CNTNAP2: variants seen among roughly 807,000 people sequenced by gnomAD.
CNTNAP2 encodes the protein contactin-associated protein-like 2.
A neutral mutation model predicts 155.2 loss-of-function variants in CNTNAP2; 98 were observed. The observed-to-expected ratio is 0.63, with a 90% confidence interval of 0.54 to 0.75. The LOEUF (loss-of-function observed/expected upper bound fraction) is 0.75. Ranked by LOEUF, CNTNAP2 falls within the 30% of genes least tolerant of loss-of-function variation. The pLI is 0.00. For synonymous variants in CNTNAP2, 651 were observed against 631.2 expected, an observed-to-expected ratio of 1.03 and a Z score of -0.47; for missense variants, 1,727 against 1,688.1, an observed-to-expected ratio of 1.02 and a Z score of -0.40.
At chr7:147,103,253 A>G (rs1343694459) in intron 4 of CNTNAP2, among the ~76,000 whole-genome samples, 43 of 151,954 alleles carry the variant, frequency 2.8e-4, no homozygotes, top group Non-Finnish European at 1.0e-4. Context: ...ACAAACATCA[A>G]TGTATCAGGT....
chr7:146,387,208 GGC>G (rs1489590739), intron 1 of CNTNAP2, among the ~76,000 whole-genome samples: 2 of 152,092 alleles, frequency 1.3e-5, no homozygotes, highest in Non-Finnish European at 2.9e-5. Context: ...TGAGGTCTGG[GGC>G]TTTTGGGCTT....
chr7:146,173,738 T>C (rs1292987546), intron 1 of CNTNAP2, among the ~76,000 whole-genome samples: 1 of 152,222 alleles, frequency 6.6e-6, no homozygotes, highest in Non-Finnish European at 1.5e-5. Flanking sequence ...GTATGTCATA[T>C]AGAGATCCTG....
intron 12 of CNTNAP2, among the ~76,000 whole-genome samples, chr7:147,582,933 G>T (rs1000305807): frequency 6.6e-6 from 1 of 152,048 alleles, no homozygotes; most frequent in Non-Finnish European, 1.5e-5. Flanking sequence ...TTGTGATATC[G>T]TTTTTGTTAC....
chr7:148,026,726 G>T (rs930256221), intron 15 of CNTNAP2, among the ~76,000 whole-genome samples: 2 of 152,108 alleles, frequency 1.3e-5, no homozygotes, highest in African/African-American at 2.4e-5. Flanking sequence ...CAAGACTCAA[G>T]TTTAAAACTT....
At chr7:146,470,070 A>C in intron 1 of CNTNAP2, among the ~76,000 whole-genome samples, 1 of 146,936 alleles carries the variant, frequency 6.8e-6, no homozygotes, top group African/African-American at 2.5e-5. Flanking sequence ...CGATCTCCTG[A>C]CCTCGTGATC....
intron 13 of CNTNAP2, among the ~76,000 whole-genome samples, chr7:147,879,830 C>T (rs549610777): frequency 6.6e-5 from 10 of 152,226 alleles, no homozygotes; most frequent in African/African-American, 2.4e-4. Context: ...TAGGAGATGC[C>T]AACTGATGGG....
chr7:146,380,779 A>G (rs1388627718), intron 1 of CNTNAP2, among the ~76,000 whole-genome samples: 3 of 121,316 alleles, frequency 2.5e-5, no homozygotes, highest in Non-Finnish European at 5.1e-5. Flanking sequence ...CTTCTTATGC[A>G]CGTTCTTTTT....
chr7:146,648,286 G>A (rs1307710595), intron 1 of CNTNAP2, among the ~76,000 whole-genome samples: 1 of 152,018 alleles, frequency 6.6e-6, no homozygotes, highest in Non-Finnish European at 1.5e-5. Context: ...AAGCATATAG[G>A]GGGTGAGAAA....
At chr7:147,327,424 A>T (rs995751652) in intron 9 of CNTNAP2, among the ~76,000 whole-genome samples, 15 of 152,194 alleles carry the variant, frequency 9.9e-5, no homozygotes, top group Non-Finnish European at 1.5e-4. Context: ...CCTGCATTTC[A>T]TTGGCATTTT....
chr7:147,324,916 T>C (rs1449892857), intron 9 of CNTNAP2, among the ~76,000 whole-genome samples: 1 of 152,158 alleles, frequency 6.6e-6, no homozygotes, highest in Non-Finnish European at 1.5e-5. Context: ...AATGCATTGT[T>C]AAAATTCACT....
chr7:147,774,221 C>A (rs1282802717), intron 13 of CNTNAP2, among the ~76,000 whole-genome samples: 2 of 152,064 alleles, frequency 1.3e-5, no homozygotes, highest in East Asian at 1.9e-4. Context: ...AGAGTAAGCT[C>A]CATGTGGAAA....
intron 13 of CNTNAP2, among the ~76,000 whole-genome samples, chr7:147,892,147 A>T (rs185966715): frequency 6.6e-6 from 1 of 152,338 alleles, no homozygotes; most frequent in East Asian, 1.9e-4. Context: ...AAACATAAAG[A>T]TGAACTATTC....
chr7:147,110,085 C>T (rs983657723), intron 5 of CNTNAP2, among the ~76,000 whole-genome samples: 17 of 151,988 alleles, frequency 1.1e-4, no homozygotes, highest in African/African-American at 3.1e-4. Flanking sequence ...CCACCATGCC[C>T]GGTTAATTTT....
chr7:146,216,431 G>A (rs1328484882), intron 1 of CNTNAP2, among the ~76,000 whole-genome samples: 1 of 152,192 alleles, frequency 6.6e-6, no homozygotes, highest in Non-Finnish European at 1.5e-5. Flanking sequence ...TGGAACCCTT[G>A]TTGGTGCTGC....
chr7:146,366,261 T>C (rs1334640523), intron 1 of CNTNAP2, among the ~76,000 whole-genome samples: 5 of 151,770 alleles, frequency 3.3e-5, no homozygotes. Flanking sequence ...TAAAATAATT[T>C]TTTTTATCCG....
chr7:147,061,241 C>G (rs972762803), intron 4 of CNTNAP2, among the ~76,000 whole-genome samples: 1 of 151,992 alleles, frequency 6.6e-6, no homozygotes, highest in Non-Finnish European at 1.5e-5. Context: ...TGAACACTTA[C>G]AAATTTGTTA....
At chr7:146,216,043 T>C (rs1281737593) in intron 1 of CNTNAP2, among the ~76,000 whole-genome samples, 2 of 152,174 alleles carry the variant, frequency 1.3e-5, no homozygotes, top group African/African-American at 4.8e-5. Context: ...GCCTCTAAGC[T>C]AGCTGCCACG....
intron 8 of CNTNAP2, among the ~76,000 whole-genome samples, chr7:147,166,469 A>C (rs1802115437): frequency 6.6e-6 from 1 of 152,140 alleles, no homozygotes; most frequent in Admixed American, 6.5e-5. Context: ...GGGTGCACCA[A>C]AATCTCACAA....
chr7:146,469,535 T>C (rs980928743), intron 1 of CNTNAP2, among the ~76,000 whole-genome samples: 9 of 143,802 alleles, frequency 6.3e-5, no homozygotes, highest in Non-Finnish European at 1.4e-4. Context: ...TTTTTTTTTT[T>C]TTTTTAAGAT....
Sources: gnomAD v4.1 joint callset for allele counts (sites outside exome capture counted in the v4.1 genomes callset) on GRCh38, gnomAD v4.1.1 for gene constraint, MANE v1.5 for transcripts, NCBI Gene and HGNC (gene_info 2026-07-23, HGNC 2026-07-21) for gene names.